The following SPOCK3 variants were observed in gnomAD, a reference collection of about 807,000 sequenced individuals.
The protein encoded by SPOCK3 is SPARC (osteonectin), cwcv and kazal like domains proteoglycan 3, also known as testican-3.
Under a neutral mutation model 56.6 loss-of-function variants are expected in SPOCK3, and 30 were observed. The observed-to-expected ratio is 0.53, with a 90% CI of 0.40 to 0.72. The LOEUF (loss-of-function observed/expected upper bound fraction) is 0.72, where lower values mean the gene tolerates loss of function less well. Ranked by LOEUF, SPOCK3 falls within the 30% of genes least tolerant of loss-of-function variation. The pLI is 0.00. For synonymous variants in SPOCK3, 196 were observed against 183.3 expected, an observed-to-expected ratio of 1.07 and a Z score of -0.56; for missense variants, 527 against 530.0, an observed-to-expected ratio of 0.99 and a Z score of 0.06.
intron 6 of SPOCK3, among the ~76,000 whole-genome samples, chr4:166,863,068 C>T (rs925595954): frequency 3.9e-5 from 6 of 151,902 alleles, no homozygotes; most frequent in Admixed American, 6.6e-5. Flanking sequence ...ATCTCTCTGC[C>T]GAAACCCTAC....
chr4:166,754,975 T>A (rs550359593), intron 7 of SPOCK3, among the ~76,000 whole-genome samples: 5 of 152,078 alleles, frequency 3.3e-5, no homozygotes, highest in African/African-American at 9.6e-5. Context: ...ATTCATTCAA[T>A]GGCAGTTACT....
At chr4:167,041,841 G>A (rs932313105) in intron 3 of SPOCK3, among the ~76,000 whole-genome samples, 3 of 151,912 alleles carry the variant, frequency 2.0e-5, no homozygotes, top group African/African-American at 7.3e-5. Flanking sequence ...ATGTATACAT[G>A]CATTAAAACA....
chr4:166,741,788 A>G (rs1030384126), intron 9 of SPOCK3, among the ~76,000 whole-genome samples: 5 of 152,174 alleles, frequency 3.3e-5, no homozygotes, highest in Non-Finnish European at 7.4e-5. Context: ...CAAAATGAAC[A>G]TTATATTAGG....
intron 2 of SPOCK3, among the ~76,000 whole-genome samples, chr4:167,115,199 G>T (rs1296842557): frequency 1.3e-5 from 2 of 151,894 alleles, no homozygotes; most frequent in South Asian, 4.1e-4. Context: ...ATACAATTAT[G>T]CCCATCTGGT....
intron 8 of SPOCK3, among the ~76,000 whole-genome samples, chr4:166,744,816 T>C (rs778123459): frequency 6.6e-6 from 1 of 152,044 alleles, no homozygotes; most frequent in African/African-American, 2.4e-5. Context: ...CTGAAAACCA[T>C]GGCATGAGAA....
intron 7 of SPOCK3, among the ~76,000 whole-genome samples, chr4:166,769,875 G>C (rs1162065744): frequency 1.3e-5 from 2 of 152,126 alleles, no homozygotes; most frequent in African/African-American, 4.8e-5. Flanking sequence ...ACCTACTCAA[G>C]CCTCAGCAAT....
chr4:166,984,028 T>C (rs1042199368), intron 4 of SPOCK3, among the ~76,000 whole-genome samples: 18 of 152,014 alleles, frequency 1.2e-4, no homozygotes, highest in Non-Finnish European at 2.2e-4. Flanking sequence ...GTAGAAAACC[T>C]AAAAAATAAT....
intron 2 of SPOCK3, among the ~76,000 whole-genome samples, chr4:167,063,670 C>T (rs1196797655): frequency 6.6e-6 from 1 of 151,748 alleles, no homozygotes; most frequent in Non-Finnish European, 1.5e-5. Flanking sequence ...CAGCTTTCAC[C>T]CCTCACACCG....
chr4:166,965,892 G>A lies in SPOCK3; in HGVS notation c.350+34457C>T, dbSNP rs1332553953. ...TTGTTTACATTAATATTCACTCTTG[G>A]TATACATTTCATGGGTTTTGGGTAA... On this transcript the variant is annotated intron_variant, in intron 4 of 10. Transcript: ENST00000357545. Among the ~76,000 whole-genome samples, 4 of 151,920 alleles carry A rather than the reference G, an allele frequency of 2.6e-5. No individual in the cohort carries two copies. In the East Asian group the frequency reaches 7.7e-4, roughly 29 times the overall value.
chr4:167,120,615 A>C (rs960769390), intron 2 of SPOCK3, among the ~76,000 whole-genome samples: 1 of 152,044 alleles, frequency 6.6e-6, no homozygotes, highest in African/African-American at 2.4e-5. Flanking sequence ...AGAAATAATG[A>C]AGAGGATTTT....
At chr4:166,743,424 C>T (rs983650638) in intron 8 of SPOCK3, among the ~76,000 whole-genome samples, 2 of 146,802 alleles carry the variant, frequency 1.4e-5, no homozygotes, top group South Asian at 2.2e-4. Context: ...AATATGTGAA[C>T]TTAATCTTGC....
chr4:167,035,000 A>G (rs1193469690), intron 3 of SPOCK3, among the ~76,000 whole-genome samples: 1 of 152,148 alleles, frequency 6.6e-6, no homozygotes, highest in East Asian at 1.9e-4. Context: ...TTGATAAAAC[A>G]TACATCTTTA....
intron 2 of SPOCK3, among the ~76,000 whole-genome samples, chr4:167,116,965 C>A (rs2150358038): frequency 7.2e-6 from 1 of 138,192 alleles, no homozygotes; most frequent in African/African-American, 2.6e-5. Context: ...ATATATCCCA[C>A]CATAGAGAAA....
intron 7 of SPOCK3, among the ~76,000 whole-genome samples, chr4:166,784,046 C>T (rs1332366586): frequency 1.3e-5 from 2 of 151,926 alleles, no homozygotes; most frequent in East Asian, 3.9e-4. Flanking sequence ...TAACACCCTA[C>T]ATGGCTTTAT....
At chr4:166,907,858 G>A (rs767079822) in intron 5 of SPOCK3, among the ~76,000 whole-genome samples, 1 of 151,868 alleles carries the variant, frequency 6.6e-6, no homozygotes, top group Non-Finnish European at 1.5e-5. Flanking sequence ...TAATGTTCTG[G>A]TGCTGTAATA....
intron 2 of SPOCK3, among the ~76,000 whole-genome samples, chr4:167,149,831 A>G (rs375649158): frequency 1.1e-4 from 5 of 45,020 alleles, no homozygotes; most frequent in African/African-American, 1.8e-4. Flanking sequence ...TATGGTGTGT[A>G]TATATATATG....
intron 8 of SPOCK3, among the ~76,000 whole-genome samples, chr4:166,747,801 A>G (rs1052707135): frequency 3.9e-5 from 6 of 152,090 alleles, no homozygotes; most frequent in African/African-American, 1.2e-4. Flanking sequence ...AGGATACAAA[A>G]TCAATGTGCA....
intron 8 of SPOCK3, among the ~76,000 whole-genome samples, chr4:166,744,466 G>C (rs1735301523): frequency 6.6e-6 from 1 of 152,022 alleles, no homozygotes; most frequent in South Asian, 2.1e-4. Context: ...TCCACACCAA[G>C]ACCGCATCTG....
rs143795126 is a variant in SPOCK3 at position 167,027,754 on chromosome 4, G to A, written c.236-27291C>T. On this transcript the variant is annotated intron_variant, in intron 3 of 10. Coordinates refer to ENST00000357545, the MANE Select transcript of SPOCK3 (RefSeq NM_001040159.2). The stretch of plus-strand genomic sequence containing the variant: ...TATATTTGTTATTCATTAAGTGGAA[G>A]TGGATCATCATAAAAATCTTTCTTT... Among the ~76,000 whole-genome samples, 494 of 152,016 alleles carry A rather than the reference G, an allele frequency of 3.2e-3. 1 individual carries two copies. Among genetic ancestry groups the A allele is most frequent in the Middle Eastern group, 0.02 (6 of 294 alleles).
Sources: gnomAD v4.1 joint callset for allele counts (sites outside exome capture counted in the v4.1 genomes callset) on GRCh38, gnomAD v4.1.1 for gene constraint, MANE v1.5 for transcripts, NCBI Gene and HGNC (gene_info 2026-07-23, HGNC 2026-07-21) for gene names.